The following PALM2AKAP2 variants were observed in gnomAD, a reference collection of about 807,000 sequenced individuals.
The protein encoded by PALM2AKAP2 is PALM2 and AKAP2 fusion.
A neutral mutation model predicts 71.5 loss-of-function variants in PALM2AKAP2; 37 were observed. The observed-to-expected ratio is 0.52, with a 90% CI of 0.40 to 0.68. PALM2AKAP2 has a LOEUF of 0.68. PALM2AKAP2 is among the 30% of genes least tolerant of loss of function. PALM2AKAP2 has a pLI of 0.00. For synonymous variants in PALM2AKAP2, 468 were observed against 478.8 expected (o/e 0.98, Z 0.29); for missense variants, 1,224 against 1,191.8 (o/e 1.03, Z -0.40).
At chr9:109,976,975 A>G (rs1025264008) in intron 6 of PALM2AKAP2, among the ~76,000 whole-genome samples, 3 of 152,150 alleles carry the variant, frequency 2.0e-5, no homozygotes, top group African/African-American at 7.2e-5. Context: ...AGCAAAAGCA[A>G]TATGCCAGTG....
At chr9:110,061,851 AT>A (rs1210591019) in intron 1 of PALM2AKAP2, among the ~76,000 whole-genome samples, 3 of 145,500 alleles carry the variant, frequency 2.1e-5, no homozygotes, top group Non-Finnish European at 4.4e-5. Context: ...TATTATTATA[AT>A]TTTTTGTTAC....
At chr9:109,929,300 A>C (rs538542608) in intron 5 of PALM2AKAP2, among the ~76,000 whole-genome samples, 8 of 152,232 alleles carry the variant, frequency 5.3e-5, no homozygotes, top group African/African-American at 1.9e-4. Context: ...AAATTCACCA[A>C]GATCCCATTC....
chr9:109,732,561 G>C (rs12339999), intron 1 of PALM2AKAP2, among the ~76,000 whole-genome samples: 39,899 of 152,066 alleles, frequency 0.26, 5,461 homozygotes, highest in East Asian at 0.37. Flanking sequence ...GAGCTAAATT[G>C]TTTCCACTCA....
At chr9:109,817,956 A>AG (rs1827893091) in intron 1 of PALM2AKAP2, among the ~76,000 whole-genome samples, 2 of 152,214 alleles carry the variant, frequency 1.3e-5, no homozygotes, top group Non-Finnish European at 2.9e-5. Context: ...CGTTAAGTGG[A>AG]TCTCCCACAT....
chr9:109,727,111 G>A (rs1257793420), intron 1 of PALM2AKAP2, among the ~76,000 whole-genome samples: 11 of 152,214 alleles, frequency 7.2e-5, no homozygotes, highest in African/African-American at 2.7e-4. Context: ...AACTAGATTA[G>A]AGTGTGTTTT....
At chr9:110,146,612 G>A (rs1488101242) in intron 2 of PALM2AKAP2, among the ~76,000 whole-genome samples, 1 of 152,188 alleles carries the variant, frequency 6.6e-6, no homozygotes, top group Non-Finnish European at 1.5e-5. Context: ...ATCAAAACCA[G>A]GCTTGGGAGC....
At chr9:110,070,777 C>T (rs1405066946) in intron 1 of PALM2AKAP2, among the ~76,000 whole-genome samples, 1 of 152,150 alleles carries the variant, frequency 6.6e-6, no homozygotes, top group Non-Finnish European at 1.5e-5. Context: ...CTTTTGATGT[C>T]TTCATGACCT....
intron 1 of PALM2AKAP2, among the ~76,000 whole-genome samples, chr9:109,756,122 G>T (rs1199032386): frequency 6.6e-6 from 1 of 152,084 alleles, no homozygotes; most frequent in Admixed American, 6.6e-5. Context: ...TCACCAAATG[G>T]TTCACCAGAA....
intron 2 of PALM2AKAP2, among the ~76,000 whole-genome samples, chr9:109,872,280 A>AT (rs905405535): frequency 5.3e-5 from 8 of 152,088 alleles, no homozygotes; most frequent in East Asian, 3.8e-4. Context: ...GATGATATGG[A>AT]TTTTTTTAAA....
intron 1 of PALM2AKAP2, among the ~76,000 whole-genome samples, chr9:109,688,159 C>A (rs943734083): frequency 6.6e-6 from 1 of 152,088 alleles, no homozygotes; most frequent in African/African-American, 2.4e-5. Context: ...GACCAAAATG[C>A]GACATAGAGA....
intron 1 of PALM2AKAP2, among the ~76,000 whole-genome samples, chr9:109,680,283 C>A (rs1206329857): frequency 2.0e-5 from 3 of 152,200 alleles, no homozygotes; most frequent in Non-Finnish European, 4.4e-5. Flanking sequence ...CCCAGAGATA[C>A]GTACAGATGG....
At chr9:109,961,893 C>T (rs75487290) in intron 6 of PALM2AKAP2, among the ~76,000 whole-genome samples, 5,021 of 152,322 alleles carry the variant, frequency 0.033, 194 homozygotes, top group Admixed American at 0.1. Context: ...AGCAGAACCA[C>T]TATCAAGTCC....
chr9:109,762,618 G>C (rs1829073112), intron 1 of PALM2AKAP2, among the ~76,000 whole-genome samples: 1 of 152,166 alleles, frequency 6.6e-6, no homozygotes, highest in South Asian at 2.1e-4. Flanking sequence ...TTTGTGCTTT[G>C]TCATTGCAAC....
At chr9:109,851,384 A>G (rs545725874) in intron 1 of PALM2AKAP2, among the ~76,000 whole-genome samples, 2 of 152,268 alleles carry the variant, frequency 1.3e-5, no homozygotes, top group African/African-American at 4.8e-5. Flanking sequence ...ATGTGGAGGC[A>G]TCTAACTGGC....
intron 1 of PALM2AKAP2, among the ~76,000 whole-genome samples, chr9:109,853,581 A>G (rs531065088): frequency 2.0e-5 from 3 of 152,358 alleles, no homozygotes; most frequent in South Asian, 2.1e-4. Flanking sequence ...TTTAAAAGCA[A>G]TGCTGCAGTA....
intron 1 of PALM2AKAP2, among the ~76,000 whole-genome samples, chr9:109,742,394 G>A (rs563843236): frequency 7.9e-5 from 12 of 152,278 alleles, no homozygotes; most frequent in African/African-American, 2.2e-4. Context: ...CTCAGAAGAA[G>A]TGAGAGCCTG....
intron 3 of PALM2AKAP2, among the ~76,000 whole-genome samples, chr9:109,916,268 G>A (rs1169397856): frequency 6.6e-6 from 1 of 152,208 alleles, no homozygotes; most frequent in Non-Finnish European, 1.5e-5. Context: ...AGCAGGAACT[G>A]GAGATTGAAT....
At chr9:109,743,705 C>A (rs1356702471) in intron 1 of PALM2AKAP2, among the ~76,000 whole-genome samples, 1 of 152,322 alleles carries the variant, frequency 6.6e-6, no homozygotes, top group East Asian at 1.9e-4. Context: ...AGGCAGGCAA[C>A]ACTTTCTACC....
chr9:109,960,569 G>C (rs1261034510), intron 6 of PALM2AKAP2, among the ~76,000 whole-genome samples: 1 of 152,136 alleles, frequency 6.6e-6, no homozygotes, highest in African/African-American at 2.4e-5. Context: ...CTTGAGCACA[G>C]GAATTTAAGT....
Sources: allele counts gnomAD v4.1 joint callset (sites outside exome capture counted in the v4.1 genomes callset), GRCh38; gene constraint gnomAD v4.1.1; transcripts MANE v1.5; gene names NCBI Gene and HGNC (gene_info 2026-07-23, HGNC 2026-07-21).